PCDHA5: variants seen among roughly 807,000 people sequenced by gnomAD.
PCDHA5 encodes the protein protocadherin alpha 5, also known as protocadherin alpha-5.
In PCDHA5, 43 loss-of-function variants were observed where a neutral mutation model predicts 61.6. The ratio of observed to expected loss-of-function variants is 0.70; its 90% CI spans 0.55 to 0.90. The LOEUF is 0.90. Among genes scored for constraint, PCDHA5 ranks in the 40% least tolerant of loss-of-function variants. The pLI is 0.00. For synonymous variants in PCDHA5, 627 were observed against 543.9 expected, an observed-to-expected ratio of 1.15 and a Z score of -2.13; for missense variants, 1,298 against 1,222.7, an observed-to-expected ratio of 1.06 and a Z score of -0.92.
At chr5:140,961,887 G>GTTT (rs35680913) in intron 1 of PCDHA5, among the ~76,000 whole-genome samples, 3 of 143,936 alleles carry the variant, frequency 2.1e-5, no homozygotes, top group Non-Finnish European at 3.1e-5. Context: ...ACTTACATCA[G>GTTT]TTTTTTTTTT....
chr5:140,838,075 ATAGTGTGT>A (rs2150283132), intron 1 of PCDHA5, among the ~76,000 whole-genome samples: 16,155 of 126,956 alleles, frequency 0.13, 1,025 homozygotes, highest in Middle Eastern at 0.15. Context: ...TTATATATAT[ATAGTGTGT>A]GTGTGTGTGT....
intron 1 of PCDHA5, chr5:140,929,483 G>A: frequency 8.4e-7 from 1 of 1,192,950 alleles, no homozygotes; most frequent in Non-Finnish European, 1.1e-6. Context: ...AAGTATAGAA[G>A]TATTAGAAGA....
chr5:140,879,596 A>G (rs1324407694), intron 1 of PCDHA5, among the ~76,000 whole-genome samples: 1 of 152,240 alleles, frequency 6.6e-6, no homozygotes, highest in East Asian at 1.9e-4. Flanking sequence ...TGAAAAGTGA[A>G]AAACAATGTG....
intron 1 of PCDHA5, among the ~76,000 whole-genome samples, chr5:140,909,201 C>G (rs1379290108): frequency 6.6e-6 from 1 of 152,136 alleles, no homozygotes; most frequent in Non-Finnish European, 1.5e-5. Flanking sequence ...GACACAAAGC[C>G]GGAGAGTTGA....
chr5:140,901,588 T>A (rs1245761513), intron 1 of PCDHA5, among the ~76,000 whole-genome samples: 1 of 152,176 alleles, frequency 6.6e-6, no homozygotes, highest in Non-Finnish European at 1.5e-5. Flanking sequence ...TGCCATGATG[T>A]TTTGGTTACT....
At chr5:140,830,384 C>A (rs1169733601) in intron 1 of PCDHA5, 1 of 1,614,156 alleles carries the variant, frequency 6.2e-7, no homozygotes, top group Non-Finnish European at 8.5e-7. Context: ...GGAGGGCCCA[C>A]CCAAGATGGA....
intron 1 of PCDHA5, among the ~76,000 whole-genome samples, chr5:140,941,250 T>TCCTTCCTTC (rs1441496906): frequency 7.2e-6 from 1 of 139,474 alleles, no homozygotes; most frequent in East Asian, 2.1e-4. Context: ...TTTCTTTCTT[T>TCCTTCCTTC]CTTTCTCTTT....
At chr5:140,862,594 A>T (rs2047439169) in intron 1 of PCDHA5, 2 of 509,414 alleles carry the variant, frequency 3.9e-6, no homozygotes, top group Non-Finnish European at 8.0e-6. Context: ...GCCCGAGTAC[A>T]TGGTGTTCGT....
chr5:140,857,032 T>C, intron 1 of PCDHA5: 2 of 1,595,838 alleles, frequency 1.3e-6, no homozygotes, highest in Non-Finnish European at 1.7e-6. Context: ...GAAACCCACC[T>C]ATGGTTGGTC....
chr5:141,010,378 A>C lies in PCDHA5; in HGVS notation c.*441A>C. ...GCTACCGCGGGTATGCGAGTGCCAG[A>C]TATTGGCTGAGACGAGCCAGCTTAG... is the stretch of plus-strand genomic sequence containing the variant. On this transcript the variant is annotated 3_prime_UTR_variant, in exon 4 of 4. Coordinates refer to ENST00000529859, the MANE Select transcript of PCDHA5 (RefSeq NM_018908.3). 6.9e-7 allele frequency: 1 copy of C among 1,450,180 alleles called. No individual in the cohort carries two copies. Among genetic ancestry groups the C allele is most frequent in the Non-Finnish European group, 9.2e-7 (1 of 1,092,666 alleles). 89.8% of individuals were successfully genotyped at this position (1,450,180 alleles called of 1,614,324 possible).
intron 1 of PCDHA5, chr5:140,876,498 C>A: frequency 6.2e-7 from 1 of 1,613,918 alleles, no homozygotes; most frequent in East Asian, 2.2e-5. Context: ...AAGTTCTGGA[C>A]GTGAATGACA....
intron 1 of PCDHA5, chr5:140,852,609 A>G (rs1581283750): frequency 2.1e-6 from 2 of 936,558 alleles, no homozygotes; most frequent in East Asian, 1.1e-4. Context: ...TTTTCTTTCA[A>G]AACTTGAGTG....
At chr5:140,927,612 C>T (rs781873236) in intron 1 of PCDHA5, 12 of 1,614,172 alleles carry the variant, frequency 7.4e-6, no homozygotes, top group Non-Finnish European at 8.5e-6. Context: ...TATACCGCAC[C>T]AAGGTTCCAG....
rs1554158025 is a variant in PCDHA5, at chr5:140,863,249, T to G, written c.2352+39122T>G. On this transcript the variant is annotated intron_variant, in intron 1 of 3. Transcript: ENST00000529859. ...GTCCCATCGCGGGCTTTGGCGGGCGTCGAGGTCCGGGAGGCAGCGCTGGTG... is the reference window on the plus strand; with the variant it reads ...GTCCCATCGCGGGCTTTGGCGGGCGGCGAGGTCCGGGAGGCAGCGCTGGTG... The G allele has an allele frequency of 2.8e-6, 4 of 1,406,824 alleles. No homozygotes were observed. In the Admixed American group the frequency reaches 7.2e-5, roughly 25 times the overall value. The allele number at this position is 1,406,824 out of a possible 1,614,324, so 87.1% of individuals were successfully genotyped here.
chr5:141,007,775 A>G (rs1156577699), intron 3 of PCDHA5, among the ~76,000 whole-genome samples: 2 of 152,216 alleles, frequency 1.3e-5, no homozygotes, highest in Non-Finnish European at 2.9e-5. Context: ...TGGAAATGGT[A>G]CTGCTTTACA....
At chr5:140,999,526 C>A (rs1429753507) in intron 3 of PCDHA5, among the ~76,000 whole-genome samples, 2 of 152,026 alleles carry the variant, frequency 1.3e-5, no homozygotes, top group Non-Finnish European at 2.9e-5. Context: ...TTTGTTACCC[C>A]CTGGATATGA....
chr5:140,841,237 C>T (rs1428420937), intron 1 of PCDHA5: 16 of 1,479,782 alleles, frequency 1.1e-5, no homozygotes, highest in Middle Eastern at 2.0e-4. Context: ...GGAGATGCAG[C>T]GGAATTGGAT....
Position 140,849,786 on chromosome 5 carries a change from G to T in PCDHA5, c.2352+25659G>T, listed in dbSNP as rs2150450039. 3 of 1,598,374 alleles carry T rather than the reference G, an allele frequency of 1.9e-6. No individual in the cohort carries two copies. The African/African-American group carries it at 4.0e-5, about 21-fold the overall frequency. On this transcript the variant is annotated intron_variant, in intron 1 of 3. Coordinates refer to ENST00000529859, the MANE Select transcript of PCDHA5 (RefSeq NM_018908.3). ...GCTGGTGGTTACCGCGCGGGACGGG[G>T]GCTCGCCTTCACTGTGGGCCACGGC...
At chr5:140,825,477 T>C (rs1364531758) in intron 1 of PCDHA5, 1 of 150,372 alleles carries the variant, frequency 6.7e-6, no homozygotes, top group Non-Finnish European at 1.5e-5. Flanking sequence ...AATTTTGCTC[T>C]TGTTGCCCAA....
Sources: allele counts gnomAD v4.1 joint callset (sites outside exome capture counted in the v4.1 genomes callset), GRCh38; gene constraint gnomAD v4.1.1; transcripts MANE v1.5; gene names NCBI Gene and HGNC (gene_info 2026-07-23, HGNC 2026-07-21).